Variants in PSAT1 observed in about 807,000 individuals in gnomAD.
PSAT1 encodes the protein phosphoserine aminotransferase 1.
PSAT1 carries 41 observed loss-of-function variants against 40.3 expected under a neutral mutation model. The ratio of observed to expected loss-of-function variants is 1.02; its 90% CI spans 0.79 to 1.32. PSAT1 has a LOEUF of 1.32. Among genes scored for constraint, PSAT1 ranks in the 40% most tolerant of loss-of-function variants. The pLI is 0.00. For synonymous variants in PSAT1, 147 were observed against 170.5 expected, an observed-to-expected ratio of 0.86 and a Z score of 1.07; for missense variants, 406 against 455.8, an observed-to-expected ratio of 0.89 and a Z score of 0.99.
intron 6 of PSAT1, among the ~76,000 whole-genome samples, chr9:78,316,160 T>C (rs1828341070): frequency 6.6e-6 from 1 of 152,190 alleles, no homozygotes; most frequent in South Asian, 2.1e-4. Flanking sequence ...TATTTTCAGC[T>C]TAAGTTTGAA....
intron 6 of PSAT1, among the ~76,000 whole-genome samples, chr9:78,310,080 G>T (rs1038186052): frequency 2.6e-5 from 4 of 152,202 alleles, no homozygotes; most frequent in African/African-American, 4.8e-5. Flanking sequence ...TGAGTTCTCA[G>T]AGCCTCAGCA....
rs775371302 is a variant in PSAT1, at chr9:78,300,607, G to T, written c.66G>T (p.Leu22Phe). ...TTTCCTTTATTTTTTTCTAGGTGTT[G>T]TTAGAGATACAAAAGGAATTATTAG... ...PGPAKLPHSV[L>F]LEIQKELLDY... The change falls in exon 2 of 9, where the codon TTG becomes TTT. Residue 22 changes from leucine to phenylalanine, a missense_variant. Leu to Phe is a conservative substitution (Grantham distance 22, BLOSUM62 0). Coordinates refer to ENST00000376588, the MANE Select transcript of PSAT1 (RefSeq NM_058179.4). The T allele has an allele frequency of 1.3e-6, 2 of 1,578,656 alleles. No individual in the cohort carries two copies. Among genetic ancestry groups the T allele is most frequent in the African/African-American group, 2.7e-5 (2 of 73,404 alleles).
rs756899947 is a variant in PSAT1 at position 78,328,164 on chromosome 9, A to C, written c.983A>C (p.Asn328Thr). ...KRFLDKALEL[N>T]MLSLKGHRSV... is the part of the protein sequence containing the mutation. Reference sequence around the variant, plus strand: ...TTTCTTGATAAAGCTCTTGAACTCAATATGTTGTCCTTGAAAGGGCATAGG... The same window carrying C: ...TTTCTTGATAAAGCTCTTGAACTCACTATGTTGTCCTTGAAAGGGCATAGG... The change falls in exon 8 of 9, where the codon AAT becomes ACT. Residue 328 changes from asparagine (N) to threonine (T), a missense_variant. Transcript: ENST00000376588. The C allele has an allele frequency of 3.1e-6, 5 of 1,613,828 alleles. No individual in the cohort carries two copies. Among genetic ancestry groups the C allele is most frequent in the Non-Finnish European group, 4.2e-6 (5 of 1,180,018 alleles).
At chr9:78,310,605 G>T (rs188153663) in intron 6 of PSAT1, among the ~76,000 whole-genome samples, 3 of 148,808 alleles carry the variant, frequency 2.0e-5, no homozygotes, top group African/African-American at 7.4e-5. Context: ...ATTTACTATG[G>T]AAAGGAAAGA....
At chr9:78,322,897 A>G (rs1828449792) in intron 7 of PSAT1, among the ~76,000 whole-genome samples, 1 of 152,244 alleles carries the variant, frequency 6.6e-6, no homozygotes, top group Non-Finnish European at 1.5e-5. Context: ...AAGGGCATGC[A>G]CTTTTGGTGA....
chr9:78,308,753 A>G (rs1039193751), intron 6 of PSAT1, among the ~76,000 whole-genome samples, 170 bp downstream of exon 6: 2 of 152,152 alleles, frequency 1.3e-5, no homozygotes, highest in African/African-American at 2.4e-5. Flanking sequence ...GTCAGGAGCT[A>G]GAGACTAGCC....
In PSAT1 at chr9:78,297,258, G is replaced by T; in HGVS notation, c.48G>T (p.Lys16Asn). The T allele has an allele frequency of 6.2e-7, 1 of 1,601,298 alleles. No individual in the cohort carries two copies. ...QVVNFGPGPA[K>N]LPHSVLLEIQ... ...TCAACTTTGGGCCTGGTCCCGCCAA[G>T]CTGCCGCACTCAGTAAGTCCCCGCG... is the stretch of plus-strand genomic sequence containing the variant. The change falls in exon 1 of 9, where the codon AAG becomes AAT. Residue 16 changes from lysine to asparagine, a missense_variant. Lys to Asn is a moderately conservative substitution (Grantham distance 94, BLOSUM62 0). Transcript: ENST00000376588.
At chr9:78,302,867 A>G (rs956264699) in intron 3 of PSAT1, among the ~76,000 whole-genome samples, 2 of 152,162 alleles carry the variant, frequency 1.3e-5, no homozygotes, top group Non-Finnish European at 2.9e-5. Flanking sequence ...TGTAGGAACT[A>G]CTGCTTAGAC....
chr9:78,318,232 T>A (rs1828378014), intron 7 of PSAT1, among the ~76,000 whole-genome samples: 1 of 152,234 alleles, frequency 6.6e-6, no homozygotes, highest in African/African-American at 2.4e-5. Flanking sequence ...TTTCCCTTTT[T>A]AAGAAAATTC....
intron 8 of PSAT1, among the ~76,000 whole-genome samples, chr9:78,328,620 G>A (rs890446673): frequency 1.8e-5 from 1 of 54,930 alleles, no homozygotes; most frequent in African/African-American, 2.8e-4. Context: ...GTCCTCACAT[G>A]AGAATAGCCC....
At chr9:78,298,222 G>A in intron 1 of PSAT1, 1 of 942,758 alleles carries the variant, frequency 1.1e-6, no homozygotes, top group Non-Finnish European at 1.2e-6. Flanking sequence ...CAAAGTCTCC[G>A]ATGTGCCTTG....
At chr9:78,324,293 C>T (rs1253529819) in intron 7 of PSAT1, among the ~76,000 whole-genome samples, 2 of 152,198 alleles carry the variant, frequency 1.3e-5, no homozygotes. Context: ...TCCTAAGTTT[C>T]TCTGGCCATG....
chr9:78,329,259 G>A lies in PSAT1; in HGVS notation c.*173G>A. Reference sequence around the variant, plus strand: ...ACATCCACAACTCTGTAAAGCTGGTGGGACCTAATGTCACCTTAATTCTGA... The same window carrying A: ...ACATCCACAACTCTGTAAAGCTGGTAGGACCTAATGTCACCTTAATTCTGA... On this transcript the variant is annotated 3_prime_UTR_variant, in exon 9 of 9. Coordinates refer to ENST00000376588, the MANE Select transcript of PSAT1 (RefSeq NM_058179.4). The A allele has an allele frequency of 1.6e-6, 1 of 613,846 alleles. No homozygotes were observed. The highest frequency in any genetic ancestry group is 1.8e-5 in the African/African-American group (1 of 54,392). The allele number at this position is 613,846 out of a possible 1,614,324, so 38.0% of individuals were successfully genotyped here. A position where few individuals can be genotyped will look rare whatever the true frequency, so the allele number is the denominator to read the frequency against.
intron 2 of PSAT1, among the ~76,000 whole-genome samples, chr9:78,301,745 T>C (rs1173113251): frequency 6.6e-6 from 1 of 152,234 alleles, no homozygotes; most frequent in Non-Finnish European, 1.5e-5. Flanking sequence ...TGAAAAATCC[T>C]TCTGCCATGA....
chr9:78,316,173 G>A (rs1168702147), intron 6 of PSAT1, among the ~76,000 whole-genome samples: 1 of 152,218 alleles, frequency 6.6e-6, no homozygotes, highest in Non-Finnish European at 1.5e-5. Context: ...AGTTTGAAGG[G>A]ACTACTGACT....
At chr9:78,298,158 C>A (rs979311240) in intron 1 of PSAT1, among the ~76,000 whole-genome samples, 32 of 151,624 alleles carry the variant, frequency 2.1e-4, no homozygotes, top group African/African-American at 7.5e-4. Context: ...CAGCCCGGCT[C>A]CTCCCCTCCC....
chr9:78,327,417 T>C (rs1587649376), intron 7 of PSAT1, among the ~76,000 whole-genome samples: 1 of 152,202 alleles, frequency 6.6e-6, no homozygotes, highest in African/African-American at 2.4e-5. Flanking sequence ...CCACCTCTTC[T>C]TATTTTTAAA....
At chr9:78,308,357 T>A (rs904993629) in intron 5 of PSAT1, 57 bp from the exon 6 acceptor site, 2 of 1,575,596 alleles carry the variant, frequency 1.3e-6, no homozygotes, top group Non-Finnish European at 1.7e-6. Flanking sequence ...GAAGTTTGCA[T>A]ACATGTATGA....
intron 7 of PSAT1, among the ~76,000 whole-genome samples, chr9:78,322,486 G>C (rs971682225): frequency 2.0e-5 from 3 of 152,138 alleles, no homozygotes. Flanking sequence ...CTATGTCCAG[G>C]AGTGCAGAAG....
Sources: gnomAD v4.1 joint callset for allele counts (sites outside exome capture counted in the v4.1 genomes callset) on GRCh38, gnomAD v4.1.1 for gene constraint, MANE v1.5 for transcripts, NCBI Gene and HGNC (gene_info 2026-07-23, HGNC 2026-07-21) for gene names.